The following DAB1 variants were observed in gnomAD, a reference collection of about 807,000 sequenced individuals.
DAB1 encodes the protein disabled homolog 1.
In DAB1, 15 loss-of-function variants were observed where a neutral mutation model predicts 64.6. The ratio of observed to expected loss-of-function variants is 0.23; its 90% CI spans 0.16 to 0.36. DAB1 has a LOEUF of 0.36. Ranked by LOEUF, DAB1 falls within the 10% of genes least tolerant of loss-of-function variation. The pLI is 1.00. For missense variants in DAB1, 596 were observed against 706.7 expected (o/e 0.84, Z 1.78); for synonymous variants, 235 against 251.9 (o/e 0.93, Z 0.64).
chr1:57,291,018 T>G lies in DAB1; in HGVS notation c.13A>C (p.Thr5Pro). 6.2e-7 allele frequency: 1 copy of G among 1,611,874 alleles called. No individual in the cohort carries two copies. The highest frequency in any genetic ancestry group is 8.5e-7 in the Non-Finnish European group (1 of 1,178,828). The change falls in exon 2 of 15, where the codon ACA (threonine) becomes CCA (proline). Residue 5 changes from threonine to proline, a missense_variant. Physicochemically the swap from Thr to Pro is conservative, Grantham distance 38. This residue lies in a region of DAB1 where 43 missense variants were observed against 39.6 expected (regional missense o/e 1.09). Transcript: ENST00000371236. ...GTTTTCACAGCTACTTGAAGTTCTG[T>G]CTCAGTTGACATCCTACTTAATCCT... MSTE[T>P]ELQVAVKTSA... is the part of the protein sequence containing the mutation.
chr1:57,214,618 A>G (rs1174351662), intron 2 of DAB1, among the ~76,000 whole-genome samples: 2 of 152,142 alleles, frequency 1.3e-5, no homozygotes, highest in African/African-American at 4.8e-5. Context: ...TCACCTTAGA[A>G]AAACAAAACA....
At chr1:58,403,045 T>C (rs1007595485) in intron 3 of DAB1, among the ~76,000 whole-genome samples, 1 of 152,174 alleles carries the variant, frequency 6.6e-6, no homozygotes, top group African/African-American at 2.4e-5. Flanking sequence ...GTCGATCTCC[T>C]TAACAAAAAC....
chr1:57,838,312 T>C (rs1652902218), intron 1 of DAB1, among the ~76,000 whole-genome samples: 3 of 152,184 alleles, frequency 2.0e-5, no homozygotes. Flanking sequence ...TACATTTACA[T>C]GGAAAAAAAT....
rs1043944280 is a variant in DAB1, at chr1:58,147,477, G to C, written n.387+3034C>G. ...ACCAAAAATACAAAAAATTAGCCAG[G>C]CGTGGTGGCAGACGCCTGTAGTCCC... On this transcript the variant is annotated intron_variant and non_coding_transcript_variant, in intron 5 of 20. Transcript: ENST00000485760. Among the ~76,000 whole-genome samples the C allele has an allele frequency of 1.2e-4, 18 of 151,756 alleles. 1 individual carries two copies. Among genetic ancestry groups the C allele is most frequent in the African/African-American group, 4.4e-4 (18 of 41,376 alleles).
intron 2 of DAB1, among the ~76,000 whole-genome samples, chr1:57,268,675 G>C (rs1406600676): frequency 1.3e-5 from 2 of 152,178 alleles, no homozygotes; most frequent in Non-Finnish European, 2.9e-5. Flanking sequence ...CCTTCTATGT[G>C]CCAAGCCCTC....
intron 7 of DAB1, among the ~76,000 whole-genome samples, chr1:57,465,223 C>T (rs1263781166): frequency 1.3e-5 from 2 of 152,172 alleles, no homozygotes; most frequent in East Asian, 3.8e-4. Flanking sequence ...CACAGTTCCT[C>T]TGGTTTATGG....
intron 4 of DAB1, among the ~76,000 whole-genome samples, chr1:58,247,695 C>G (rs945283678): frequency 1.3e-5 from 2 of 152,082 alleles, no homozygotes; most frequent in South Asian, 2.1e-4. Context: ...TTGCTTCATG[C>G]GGGCTCTGGT....
chr1:57,455,758 G>A (rs1479013104), intron 7 of DAB1, among the ~76,000 whole-genome samples: 2 of 152,068 alleles, frequency 1.3e-5, no homozygotes, highest in African/African-American at 4.8e-5. Flanking sequence ...TCATAATCCT[G>A]TTGAACATGG....
intron 1 of DAB1, among the ~76,000 whole-genome samples, chr1:58,530,137 T>G (rs1646412674): frequency 6.6e-6 from 1 of 152,138 alleles, no homozygotes; most frequent in Admixed American, 6.5e-5. Flanking sequence ...CACCTTGGCC[T>G]CCCAAAGTGC....
intron 6 of DAB1, among the ~76,000 whole-genome samples, chr1:57,811,101 C>T (rs936353049): frequency 6.6e-6 from 1 of 152,204 alleles, no homozygotes; most frequent in African/African-American, 2.4e-5. Context: ...TTTGCTTTTG[C>T]ACTTAAGGCC....
intron 5 of DAB1, among the ~76,000 whole-genome samples, chr1:58,067,860 T>C (rs545726888): frequency 1.3e-5 from 2 of 152,350 alleles, no homozygotes; most frequent in African/African-American, 4.8e-5. Flanking sequence ...TAATGAGTGT[T>C]CCATACACAT....
At chr1:57,810,244 A>AG (rs752117998) in intron 6 of DAB1, among the ~76,000 whole-genome samples, 1 of 152,202 alleles carries the variant, frequency 6.6e-6, no homozygotes, top group East Asian at 1.9e-4. Flanking sequence ...ATCATTAAGA[A>AG]GGGGGGCTCC....
intron 5 of DAB1, among the ~76,000 whole-genome samples, chr1:58,099,256 A>G (rs2100628165): frequency 6.6e-6 from 1 of 152,256 alleles, no homozygotes; most frequent in South Asian, 2.1e-4. Flanking sequence ...ACTTCTGGCC[A>G]CATCTCTCTC....
chr1:57,722,382 C>A (rs1408551114), intron 6 of DAB1, among the ~76,000 whole-genome samples: 1 of 152,140 alleles, frequency 6.6e-6, no homozygotes, highest in East Asian at 1.9e-4. Context: ...TGGGTTATTC[C>A]AGTAGCTTCA....
intron 7 of DAB1, among the ~76,000 whole-genome samples, chr1:57,481,140 G>A (rs1644014052): frequency 1.3e-5 from 2 of 152,106 alleles, no homozygotes; most frequent in South Asian, 4.1e-4. Context: ...AAAGGTTAAA[G>A]AAAGTCCTAA....
At chr1:57,645,234 G>A (rs1447168583) in intron 7 of DAB1, among the ~76,000 whole-genome samples, 3 of 152,154 alleles carry the variant, frequency 2.0e-5, no homozygotes, top group East Asian at 1.9e-4. Flanking sequence ...ATCTAGTCAC[G>A]TTGGTATATT....
At chr1:57,974,142 A>T (rs1266588474) in intron 5 of DAB1, among the ~76,000 whole-genome samples, 1 of 151,920 alleles carries the variant, frequency 6.6e-6, no homozygotes, top group Non-Finnish European at 1.5e-5. Context: ...TGTCCTCACA[A>T]CCTCATCCCC....
intron 4 of DAB1, among the ~76,000 whole-genome samples, chr1:58,337,875 A>T (rs1226961016): frequency 2.6e-5 from 4 of 152,174 alleles, no homozygotes; most frequent in African/African-American, 9.6e-5. Context: ...AGTTTCAGTC[A>T]TGCAAAATGA....
Position 57,777,205 on chromosome 1 carries a change from C to T in DAB1, n.551+106794G>A, listed in dbSNP as rs78503588. ...ACCTTCTTATTTGTATTCCTCTATA[C>T]TTAATGTACCCTTTTCTTGGGCTTC... On this transcript the variant is annotated intron_variant and non_coding_transcript_variant, in intron 6 of 20. Transcript: ENST00000485760. Among the ~76,000 whole-genome samples, 750 of 107,980 alleles carry T rather than the reference C, an allele frequency of 6.9e-3. 6 individuals are homozygous for T. The highest frequency in any genetic ancestry group is 0.011 in the Admixed American group (104 of 9,686). 70.8% of individuals were successfully genotyped at this position (107,980 alleles called of 152,430 possible). A position where few individuals can be genotyped will look rare whatever the true frequency, so the allele number is the denominator to read the frequency against.
Sources: allele counts gnomAD v4.1 joint callset (sites outside exome capture counted in the v4.1 genomes callset), GRCh38; gene constraint gnomAD v4.1.1; regional missense constraint gnomAD v4.1.1; transcripts MANE v1.5; gene names NCBI Gene and HGNC (gene_info 2026-07-23, HGNC 2026-07-21).